GPM6A: variants seen among roughly 807,000 people sequenced by gnomAD.
GPM6A encodes glycoprotein M6A.
Under a neutral mutation model 32.1 loss-of-function variants are expected in GPM6A, and 7 were observed. That is an observed-to-expected ratio of 0.22 (90% CI 0.12 to 0.41). GPM6A has a LOEUF of 0.41. GPM6A is among the 10% of genes least tolerant of loss of function. The probability of loss-of-function intolerance (pLI) is 1.00; values close to 1 mark genes in which losing one functional copy is unlikely to be tolerated. For missense variants in GPM6A, 235 were observed against 347.2 expected (o/e 0.68, Z 2.57); for synonymous variants, 130 against 123.4 (o/e 1.05, Z -0.35).
intron 4 of GPM6A, among the ~76,000 whole-genome samples, chr4:175,643,513 G>A (rs1420618451): frequency 1.3e-5 from 2 of 151,978 alleles, no homozygotes; most frequent in Non-Finnish European, 2.9e-5. Context: ...AATATTCCCA[G>A]AGCTGAGCTA....
intron 1 of GPM6A, among the ~76,000 whole-genome samples, chr4:175,713,668 G>A (rs1270261397): frequency 6.6e-6 from 1 of 152,084 alleles, no homozygotes; most frequent in Non-Finnish European, 1.5e-5. Context: ...TCAAATGACA[G>A]GTGTTTATCT....
chr4:175,932,263 C>T (rs1739075031), intron 1 of GPM6A, among the ~76,000 whole-genome samples: 1 of 152,174 alleles, frequency 6.6e-6, no homozygotes, highest in South Asian at 2.1e-4. Context: ...ACCCTGAGGG[C>T]TCTTCCATCA....
In GPM6A at chr4:175,700,225, TATG is replaced by T. The variant is rs906712060; in HGVS notation, c.230+1347_230+1349del. The stretch of plus-strand genomic sequence containing the variant: ...GTAACTTTAATAAATAAAAAAAAAT[TATG>T]ATATTTATAAAAAATACTTTGAAAT... On this transcript the variant is annotated intron_variant, in intron 2 of 6. Coordinates refer to ENST00000393658, the MANE Select transcript of GPM6A (RefSeq NM_201591.3). Among the ~76,000 whole-genome samples the T allele has an allele frequency of 1.4e-3, 207 of 152,236 alleles. 2 individuals are homozygous for T. Among genetic ancestry groups the T allele is most frequent in the African/African-American group, 4.6e-3 (193 of 41,562 alleles).
intron 1 of GPM6A, among the ~76,000 whole-genome samples, chr4:175,723,817 T>C (rs1746264926): frequency 6.6e-6 from 1 of 152,162 alleles, no homozygotes; most frequent in Non-Finnish European, 1.5e-5. Context: ...AGTTGATACA[T>C]TAACCCCATA....
chr4:175,794,155 T>C (rs1017742338), intron 1 of GPM6A, among the ~76,000 whole-genome samples: 4 of 152,062 alleles, frequency 2.6e-5, no homozygotes, highest in Admixed American at 2.0e-4. Context: ...CTTGGAAAAA[T>C]TATCAAAAAT....
chr4:175,673,714 T>C lies in GPM6A; in HGVS notation c.353A>G (p.Lys118Arg). 6.2e-7 allele frequency: 1 copy of C among 1,610,520 alleles called. No homozygotes were observed. Among genetic ancestry groups the C allele is most frequent in the Non-Finnish European group, 8.5e-7 (1 of 1,177,368 alleles). ...CACACATCTGCCACAAGTGGTGATT[T>C]TGAAATCCCCATAGAGATCTTTGAT... is the stretch of plus-strand genomic sequence containing the variant. Reference protein sequence around the residue: ...GAIKDLYGDFKITTCGRCVSA... With the variant: ...GAIKDLYGDFRITTCGRCVSA... The change falls in exon 3 of 7, where the codon AAA (lysine) becomes AGA (arginine). Residue 118 changes from lysine (K) to arginine (R), a missense_variant. This residue lies in a region of GPM6A where 101 missense variants were observed against 171.2 expected (regional missense o/e 0.59). Coordinates refer to ENST00000393658, the MANE Select transcript of GPM6A (RefSeq NM_201591.3).
At chr4:175,752,044 G>T (rs898188282) in intron 1 of GPM6A, among the ~76,000 whole-genome samples, 16 of 152,024 alleles carry the variant, frequency 1.1e-4, no homozygotes, top group African/African-American at 3.9e-4. Context: ...TTGTCTAATG[G>T]TACCAGGAAG....
At chr4:175,715,139 C>T (rs918688670) in intron 1 of GPM6A, among the ~76,000 whole-genome samples, 1 of 152,116 alleles carries the variant, frequency 6.6e-6, no homozygotes, top group Non-Finnish European at 1.5e-5. Flanking sequence ...CATAAATGTT[C>T]CTCCCCTAAA....
intron 1 of GPM6A, among the ~76,000 whole-genome samples, chr4:175,877,446 A>G (rs548844887): frequency 9.8e-5 from 15 of 152,332 alleles, no homozygotes; most frequent in African/African-American, 3.4e-4. Context: ...AAAGAGGTTT[A>G]ATTGACTCAC....
intron 6 of GPM6A, among the ~76,000 whole-genome samples, chr4:175,636,346 G>T (rs1052353919): frequency 7.0e-6 from 1 of 143,246 alleles, no homozygotes; most frequent in Non-Finnish European, 1.5e-5. Context: ...TGAAGTTTAT[G>T]CAGTATTTTG....
At chr4:175,671,138 C>T (rs546294235) in intron 3 of GPM6A, among the ~76,000 whole-genome samples, 26 of 152,146 alleles carry the variant, frequency 1.7e-4, no homozygotes, top group Admixed American at 9.8e-4. Flanking sequence ...GCTAGGATTA[C>T]AGGTGTGAGC....
At chr4:175,676,229 C>T (rs1207422627) in intron 2 of GPM6A, among the ~76,000 whole-genome samples, 1 of 152,088 alleles carries the variant, frequency 6.6e-6, no homozygotes, top group Non-Finnish European at 1.5e-5. Flanking sequence ...TATAAATTAC[C>T]CGGTCTCAGG....
intron 3 of GPM6A, among the ~76,000 whole-genome samples, chr4:175,669,801 G>T (rs1178793675): frequency 2.6e-5 from 4 of 152,176 alleles, no homozygotes; most frequent in Non-Finnish European, 5.9e-5. Flanking sequence ...AGGTCACTAG[G>T]GTGGGCTCTA....
intron 1 of GPM6A, among the ~76,000 whole-genome samples, chr4:175,824,841 G>A (rs1282228706): frequency 2.6e-5 from 4 of 152,106 alleles, no homozygotes; most frequent in Non-Finnish European, 5.9e-5. Context: ...ACAAGCAAAT[G>A]ATTTTCACAA....
chr4:175,949,539 A>G (rs951767615), intron 1 of GPM6A, among the ~76,000 whole-genome samples: 19 of 151,696 alleles, frequency 1.3e-4, no homozygotes, highest in Admixed American at 1.2e-3. Context: ...TATTTTATGT[A>G]AAACAAATAT....
chr4:175,751,633 T>C (rs1184366933), intron 1 of GPM6A, among the ~76,000 whole-genome samples: 2 of 152,134 alleles, frequency 1.3e-5, no homozygotes, highest in Non-Finnish European at 2.9e-5. Flanking sequence ...GAATCTATTC[T>C]GTGCAAACTA....
chr4:175,881,167 C>T (rs1017846160), intron 1 of GPM6A, among the ~76,000 whole-genome samples: 6 of 152,152 alleles, frequency 3.9e-5, no homozygotes, highest in East Asian at 1.9e-4. Flanking sequence ...AACAACCCCA[C>T]CAAAAAGTGG....
In GPM6A at chr4:175,930,172, G is replaced by A. The variant is rs188898645; in HGVS notation, c.-23+72137C>T. On this transcript the variant is annotated intron_variant, in intron 1 of 7. Coordinates refer to the GPM6A transcript ENST00000280187. ...TCAAACATAGATATAACATTAAGTC[G>A]CTCTCAAACAAGGCATCTTCTTTCG... Among the ~76,000 whole-genome samples, 307 of 152,028 alleles carry A rather than the reference G, an allele frequency of 2.0e-3. 2 individuals carry two copies. Among genetic ancestry groups the A allele is most frequent in the African/African-American group, 6.8e-3 (282 of 41,510 alleles).
At chr4:175,975,170 G>A (rs1740623400) in intron 1 of GPM6A, among the ~76,000 whole-genome samples, 1 of 152,168 alleles carries the variant, frequency 6.6e-6, no homozygotes, top group Non-Finnish European at 1.5e-5. Context: ...CACTTTGCCT[G>A]TATACAGGTA....
Sources: gnomAD v4.1 joint callset for allele counts (sites outside exome capture counted in the v4.1 genomes callset) on GRCh38, gnomAD v4.1.1 for gene constraint, gnomAD v4.1.1 regional missense constraint, MANE v1.5 for transcripts, NCBI Gene and HGNC (gene_info 2026-07-23, HGNC 2026-07-21) for gene names.